ZBTB16: variants seen among roughly 807,000 people sequenced by gnomAD.
ZBTB16 encodes the protein zinc finger and BTB domain containing 16.
In ZBTB16, 8 loss-of-function variants were observed where a neutral mutation model predicts 56.8. That is an observed-to-expected ratio of 0.14 (90% CI 0.08 to 0.25). The LOEUF (loss-of-function observed/expected upper bound fraction) is 0.25, where lower values mean the gene tolerates loss of function less well. ZBTB16 is among the 10% of genes least tolerant of loss of function. The probability of loss-of-function intolerance (pLI) is 1.00; values close to 1 mark genes in which losing one functional copy is unlikely to be tolerated. For synonymous variants in ZBTB16, 363 were observed against 368.5 expected (o/e 0.98, Z 0.17); for missense variants, 625 against 903.0 (o/e 0.69, Z 3.95).
intron 4 of ZBTB16, among the ~76,000 whole-genome samples, chr11:114,192,123 C>G (rs989349986): frequency 6.6e-6 from 1 of 152,156 alleles, no homozygotes; most frequent in Non-Finnish European, 1.5e-5. Context: ...CATCTGAAGA[C>G]TCGACTGGGC....
At chr11:114,147,391 T>C (rs1218239344) in intron 2 of ZBTB16, among the ~76,000 whole-genome samples, 4 of 152,246 alleles carry the variant, frequency 2.6e-5, no homozygotes, top group Non-Finnish European at 5.9e-5. Context: ...TGTAGCTTTT[T>C]GAAAACTGTT....
chr11:114,169,547 T>A (rs1942894165), intron 3 of ZBTB16, among the ~76,000 whole-genome samples: 1 of 152,098 alleles, frequency 6.6e-6, no homozygotes, highest in African/African-American at 2.4e-5. Flanking sequence ...GTTTGTGAAG[T>A]CATTCATCAG....
intron 5 of ZBTB16, among the ~76,000 whole-genome samples, chr11:114,242,714 G>T (rs543588445): frequency 2.0e-5 from 3 of 152,242 alleles, no homozygotes; most frequent in Non-Finnish European, 2.9e-5. Context: ...AAACTGACCT[G>T]CTGGGTCTCT....
At chr11:114,136,174 C>T (rs1941792704) in intron 2 of ZBTB16, among the ~76,000 whole-genome samples, 1 of 152,250 alleles carries the variant, frequency 6.6e-6, no homozygotes, top group South Asian at 2.1e-4. Context: ...TGTAACTTGT[C>T]TTCCTTTTGT....
At chr11:114,128,712 G>T (rs1040034372) in intron 2 of ZBTB16, among the ~76,000 whole-genome samples, 1 of 152,158 alleles carries the variant, frequency 6.6e-6, no homozygotes, top group African/African-American at 2.4e-5. Flanking sequence ...AGAGACAAGT[G>T]GTGTCTGGCT....
chr11:114,242,877 T>G (rs1383005290), intron 5 of ZBTB16, among the ~76,000 whole-genome samples: 2 of 152,136 alleles, frequency 1.3e-5, no homozygotes, highest in African/African-American at 4.8e-5. Flanking sequence ...ACCTTAACCC[T>G]GTTTAGGGAA....
chr11:114,224,835 C>T (rs568447236), intron 4 of ZBTB16, among the ~76,000 whole-genome samples: 2 of 152,292 alleles, frequency 1.3e-5, no homozygotes, highest in African/African-American at 2.4e-5. Context: ...GCTGAGAAGT[C>T]CCCTAAGAGG....
At chr11:114,110,645 G>C (rs555144999) in intron 2 of ZBTB16, among the ~76,000 whole-genome samples, 1 of 152,256 alleles carries the variant, frequency 6.6e-6, no homozygotes, top group Non-Finnish European at 1.5e-5. Context: ...AATTTAGTTT[G>C]CCTTCAGGAT....
intron 2 of ZBTB16, among the ~76,000 whole-genome samples, chr11:114,104,061 G>A (rs1218846976): frequency 6.6e-6 from 1 of 152,190 alleles, no homozygotes; most frequent in Non-Finnish European, 1.5e-5. Context: ...TTTACCAAAG[G>A]TGAATAGGGA....
intron 2 of ZBTB16, among the ~76,000 whole-genome samples, chr11:114,074,658 T>G (rs535879577): frequency 4.4e-4 from 67 of 152,352 alleles, no homozygotes; most frequent in African/African-American, 1.6e-3. Context: ...TGGGAACCAG[T>G]GCTCTCCTCC....
intron 3 of ZBTB16, among the ~76,000 whole-genome samples, chr11:114,162,364 G>A (rs1565659896): frequency 1.3e-5 from 2 of 152,222 alleles, no homozygotes; most frequent in Non-Finnish European, 2.9e-5. Context: ...AGAGAAGATG[G>A]GGGAAGAGAG....
rs1028479794 is a variant in ZBTB16 at position 114,229,175 on chromosome 11, A to T, written c.1454-12992A>T. On this transcript the variant is annotated intron_variant, in intron 4 of 6. Coordinates refer to ENST00000335953, the MANE Select transcript of ZBTB16 (RefSeq NM_006006.6). ...ATTGCGAGTGGCCTGAAGCCTCTTCAATAGGAGTAACAAATGGTTTGATTT... is the reference window on the plus strand; with the variant it reads ...ATTGCGAGTGGCCTGAAGCCTCTTCTATAGGAGTAACAAATGGTTTGATTT... 5.9e-5 allele frequency among the ~76,000 whole-genome samples: 9 copies of T among 152,318 alleles called. No homozygotes were observed. In the East Asian group the frequency reaches 1.5e-3, roughly 26 times the overall value.
At position 114,147,904 on chromosome 11, in the gene ZBTB16, T is replaced by C. The variant is rs142386836; in HGVS notation, c.1269-8433T>C. On this transcript the variant is annotated intron_variant, in intron 2 of 6. Coordinates refer to ENST00000335953, the MANE Select transcript of ZBTB16 (RefSeq NM_006006.6). ...GCTAAGACCTTGTTGAAAGAGACTG[T>C]ATGAGATTGTGTGCGATAAGATCAT... is the stretch of plus-strand genomic sequence containing the variant. 2.3e-3 allele frequency among the ~76,000 whole-genome samples: 344 copies of C among 152,354 alleles called. 1 individual carries two copies. Among genetic ancestry groups the C allele is most frequent in the African/African-American group, 7.5e-3 (311 of 41,590 alleles).
intron 4 of ZBTB16, among the ~76,000 whole-genome samples, chr11:114,240,456 C>T (rs1227072899): frequency 7.4e-6 from 1 of 134,424 alleles, no homozygotes; most frequent in Non-Finnish European, 1.6e-5. Flanking sequence ...TTACCCCCTC[C>T]CCCCACCCAC....
chr11:114,241,001 C>A (rs547478770), intron 4 of ZBTB16, among the ~76,000 whole-genome samples: 1 of 152,278 alleles, frequency 6.6e-6, no homozygotes, highest in Admixed American at 6.5e-5. Flanking sequence ...GATCCTCCCA[C>A]CGGCCATGTT....
At chr11:114,246,687 A>G (rs1255513202) in intron 5 of ZBTB16, 2 of 167,106 alleles carry the variant, frequency 1.2e-5, no homozygotes, top group African/African-American at 4.8e-5. Context: ...CACCAGGGAG[A>G]AAAGAAGAAA....
rs117365615 is a variant in ZBTB16, at chr11:114,241,054, G to A, written c.1454-1113G>A. On this transcript the variant is annotated intron_variant, in intron 4 of 6. Transcript: ENST00000335953. ...GTTCACAGACACTATTCCATCTTCC[G>A]GATTCCGCCATTCACCTGGTGTTCT... 3.3e-3 allele frequency among the ~76,000 whole-genome samples: 499 copies of A among 152,194 alleles called. 3 individuals carry two copies. The highest frequency in any genetic ancestry group is 0.017 in the South Asian group (80 of 4,826).
At position 114,143,558 on chromosome 11, in the gene ZBTB16, T is replaced by C. The variant is rs11214875; in HGVS notation, c.1269-12779T>C. On this transcript the variant is annotated intron_variant, in intron 2 of 6. Coordinates refer to ENST00000335953, the MANE Select transcript of ZBTB16 (RefSeq NM_006006.6). This position sits in a 1 kb window ranked among gnomAD's most constrained non-coding sequence, Gnocchi z 6.4. ...CCTGCAGGGAGATTACACAAAAATG[T>C]AGAAAAAATACGCTAGTGACAGGTC... 6.6e-6 allele frequency among the ~76,000 whole-genome samples: 1 copy of C among 152,140 alleles called. No individual in the cohort carries two copies. The highest frequency in any genetic ancestry group is 6.5e-5 in the Admixed American group (1 of 15,284).
At chr11:114,137,922 C>G (rs1419364261) in intron 2 of ZBTB16, among the ~76,000 whole-genome samples, 2 of 152,150 alleles carry the variant, frequency 1.3e-5, no homozygotes, top group Admixed American at 1.3e-4. Flanking sequence ...GTGGCCAGCC[C>G]CATGCTGTGC....
Sources: allele counts gnomAD v4.1 joint callset (sites outside exome capture counted in the v4.1 genomes callset), GRCh38; gene constraint gnomAD v4.1.1; non-coding constraint Gnocchi (gnomAD v3.1); transcripts MANE v1.5; gene names NCBI Gene and HGNC (gene_info 2026-07-23, HGNC 2026-07-21).